The following CYP2C18 variants were observed in gnomAD, a reference collection of about 807,000 sequenced individuals.
CYP2C18 encodes cytochrome P450 family 2 subfamily C member 18.
A neutral mutation model predicts 41.3 loss-of-function variants in CYP2C18; 38 were observed. That is an observed-to-expected ratio of 0.92 (90% CI 0.71 to 1.21). CYP2C18 has a LOEUF of 1.21. Among genes scored for constraint, CYP2C18 ranks in the 50% most tolerant of loss-of-function variants. The pLI, the probability that CYP2C18 is intolerant of heterozygous loss-of-function variation, is 0.00. For missense variants in CYP2C18, 635 were observed against 591.4 expected (o/e 1.07, Z -0.77); for synonymous variants, 236 against 210.0 (o/e 1.12, Z -1.07).
At chr10:94,689,705 T>C (rs1846962052) in intron 3 of CYP2C18, among the ~76,000 whole-genome samples, 1 of 152,192 alleles carries the variant, frequency 6.6e-6, no homozygotes, top group Non-Finnish European at 1.5e-5. Context: ...TATTAGAGAA[T>C]ATTGACAAGA....
chr10:94,724,645 G>T, intron 7 of CYP2C18, 112 bp downstream of exon 7: 1 of 1,069,352 alleles, frequency 9.4e-7, no homozygotes, highest in Non-Finnish European at 1.4e-6. Flanking sequence ...ATTCATACGT[G>T]GGGCAGCTTT....
intron 4 of CYP2C18, among the ~76,000 whole-genome samples, chr10:94,700,323 A>G (rs1589796622): frequency 6.6e-6 from 1 of 152,322 alleles, no homozygotes; most frequent in Non-Finnish European, 1.5e-5. Flanking sequence ...AAATAATGCC[A>G]CATATCTACA....
chr10:94,713,802 G>A (rs186049292), intron 5 of CYP2C18, among the ~76,000 whole-genome samples: 58 of 152,296 alleles, frequency 3.8e-4, no homozygotes, highest in Non-Finnish European at 6.0e-4. Flanking sequence ...CACCAACAGT[G>A]TGTAAAAGTG....
At chr10:94,699,690 CCT>C (rs1564640394) in intron 4 of CYP2C18, among the ~76,000 whole-genome samples, 1 of 152,092 alleles carries the variant, frequency 6.6e-6, no homozygotes, top group Non-Finnish European at 1.5e-5. Flanking sequence ...TAAAATTTTC[CCT>C]GTTTGCAGAT....
intron 4 of CYP2C18, among the ~76,000 whole-genome samples, chr10:94,706,232 TTATCTC>T (rs1476743064): frequency 2.6e-5 from 4 of 152,220 alleles, no homozygotes; most frequent in Admixed American, 1.3e-4. Context: ...AATTGTGTGA[TTATCTC>T]AACTACTCAC....
intron 7 of CYP2C18, 93 bp from the exon 8 acceptor site, chr10:94,733,204 A>G: frequency 1.6e-6 from 2 of 1,233,410 alleles, no homozygotes; most frequent in African/African-American, 3.0e-5. Flanking sequence ...TTTCTTATCT[A>G]TTGATAAAAG....
intron 5 of CYP2C18, among the ~76,000 whole-genome samples, chr10:94,713,523 A>T (rs1477630719): frequency 1.3e-5 from 2 of 152,044 alleles, no homozygotes; most frequent in South Asian, 4.2e-4. Flanking sequence ...ATCCTTTTTT[A>T]TGGCTGCATA....
intron 6 of CYP2C18, among the ~76,000 whole-genome samples, chr10:94,723,140 A>T (rs1847674850): frequency 6.6e-6 from 1 of 152,178 alleles, no homozygotes; most frequent in Non-Finnish European, 1.5e-5. Context: ...TTTGTAGATA[A>T]AGAATATTTT....
In CYP2C18 at chr10:94,724,438, G is replaced by T; in HGVS notation, c.1054G>T (p.Val352Leu). Residue 352 changes from valine to leucine, a missense_variant, in exon 7 of 9, where the codon GTG (valine) becomes TTG (leucine). Val to Leu is a conservative substitution (Grantham distance 32). Coordinates refer to ENST00000285979, the MANE Select transcript of CYP2C18 (RefSeq NM_000772.3). ...RSHMPYTDAV[V>L]HEIQRYIDLL... ...TCACATGCCCTACACAGATGCTGTG[G>T]TGCACGAGATCCAGAGATACATTGA... 1 of 1,613,562 alleles carries T rather than the reference G, an allele frequency of 6.2e-7. No homozygotes were observed. Among genetic ancestry groups the T allele is most frequent in the Non-Finnish European group, 8.5e-7 (1 of 1,179,722 alleles).
At chr10:94,732,394 A>G (rs149972955) in intron 7 of CYP2C18, among the ~76,000 whole-genome samples, 1 of 152,328 alleles carries the variant, frequency 6.6e-6, no homozygotes, top group Non-Finnish European at 1.5e-5. Context: ...TAGTCCAGCT[A>G]CTGTGGAAAG....
chr10:94,733,234 C>A, intron 7 of CYP2C18, 63 bp from the exon 8 acceptor site: 1 of 1,488,538 alleles, frequency 6.7e-7, no homozygotes, highest in South Asian at 1.2e-5. Flanking sequence ...TAGGTGATTT[C>A]CATCACTTCT....
intron 5 of CYP2C18, among the ~76,000 whole-genome samples, chr10:94,710,249 G>A (rs1847412584): frequency 1.3e-5 from 2 of 152,226 alleles, no homozygotes; most frequent in African/African-American, 4.8e-5. Context: ...GGGATCACAG[G>A]AGTGAACCAC....
chr10:94,720,333 A>G, intron 5 of CYP2C18, 63 bp from the exon 6 acceptor site: 1 of 1,452,446 alleles, frequency 6.9e-7, no homozygotes. Flanking sequence ...TATATTTTGG[A>G]TTTTTTGTAA....
At chr10:94,734,926 C>T (rs967437594) in intron 8 of CYP2C18, among the ~76,000 whole-genome samples, 1 of 152,130 alleles carries the variant, frequency 6.6e-6, no homozygotes, top group African/African-American at 2.4e-5. Flanking sequence ...CTCTTTTCAG[C>T]CCATCTTCCC....
At chr10:94,713,650 T>C (rs1198540487) in intron 5 of CYP2C18, among the ~76,000 whole-genome samples, 1 of 152,350 alleles carries the variant, frequency 6.6e-6, no homozygotes, top group East Asian at 1.9e-4. Flanking sequence ...TACGTGTGCA[T>C]GTGTCTTTAT....
At position 94,735,525 on chromosome 10, in the gene CYP2C18, C is replaced by T. The variant is rs1847906770; in HGVS notation, c.*81C>T. 3.7e-6 allele frequency: 5 copies of T among 1,353,346 alleles called. No individual in the cohort carries two copies. The highest frequency in any genetic ancestry group is 4.6e-5 in the East Asian group (2 of 43,340). The allele number at this position is 1,353,346 out of a possible 1,614,324, so 83.8% of individuals were successfully genotyped here. On this transcript the variant is annotated 3_prime_UTR_variant, in exon 9 of 9. Coordinates refer to ENST00000285979, the MANE Select transcript of CYP2C18 (RefSeq NM_000772.3). ...AGGGCCATTGGCCTCTCCCTTCTCT[C>T]TGTGAGGGATATTTTCTCTGACTTG... is the stretch of plus-strand genomic sequence containing the variant.
At chr10:94,714,008 C>T (rs1184868659) in intron 5 of CYP2C18, among the ~76,000 whole-genome samples, 1 of 152,152 alleles carries the variant, frequency 6.6e-6, no homozygotes, top group Non-Finnish European at 1.5e-5. Flanking sequence ...ATATACTTCA[C>T]CCACTTTGTG....
intron 5 of CYP2C18, among the ~76,000 whole-genome samples, chr10:94,714,807 T>C (rs1418200976): frequency 6.6e-6 from 1 of 152,232 alleles, no homozygotes; most frequent in Non-Finnish European, 1.5e-5. Flanking sequence ...TTCCTATCCG[T>C]AAGCATGGAA....
At chr10:94,733,957 G>A (rs1165537799) in intron 8 of CYP2C18, among the ~76,000 whole-genome samples, 4 of 151,998 alleles carry the variant, frequency 2.6e-5, no homozygotes, top group Non-Finnish European at 5.9e-5. Context: ...AGGGGAAAGC[G>A]CAGGATGTTG....
Sources: allele counts gnomAD v4.1 joint callset (sites outside exome capture counted in the v4.1 genomes callset), GRCh38; gene constraint gnomAD v4.1.1; transcripts MANE v1.5; gene names NCBI Gene and HGNC (gene_info 2026-07-23, HGNC 2026-07-21).